GABRB3: variants seen among roughly 807,000 people sequenced by gnomAD.
GABRB3 encodes the protein gamma-aminobutyric acid type A receptor subunit beta3.
GABRB3 carries 14 observed loss-of-function variants against 52.1 expected under a neutral mutation model. That is an observed-to-expected ratio of 0.27 (90% confidence interval 0.18 to 0.42). GABRB3 has a LOEUF of 0.42. Ranked by LOEUF, GABRB3 falls within the 10% of genes least tolerant of loss-of-function variation. GABRB3 has a pLI of 1.00. For synonymous variants in GABRB3, 260 were observed against 232.3 expected, an observed-to-expected ratio of 1.12 and a Z score of -1.08; for missense variants, 307 against 609.1, an observed-to-expected ratio of 0.50 and a Z score of 5.22.
chr15:26,744,879 A>T (rs751453435), intron 3 of GABRB3, among the ~76,000 whole-genome samples: 1 of 152,338 alleles, frequency 6.6e-6, no homozygotes, highest in Non-Finnish European at 1.5e-5. Context: ...TTGTGTATTA[A>T]ACCATTTTTG....
At chr15:26,605,373 AAT>A (rs1891750648) in intron 4 of GABRB3, among the ~76,000 whole-genome samples, 1 of 152,168 alleles carries the variant, frequency 6.6e-6, no homozygotes, top group African/African-American at 2.4e-5. Flanking sequence ...AAAAACTAAA[AAT>A]AGATCTACTA....
intron 3 of GABRB3, among the ~76,000 whole-genome samples, chr15:26,704,692 G>A (rs572524115): frequency 6.6e-6 from 1 of 152,172 alleles, no homozygotes; most frequent in African/African-American, 2.4e-5. Context: ...CCTAGCCATT[G>A]CTTTTAATTG....
At chr15:26,629,125 A>T in intron 3 of GABRB3, 2 of 1,524,982 alleles carry the variant, frequency 1.3e-6, no homozygotes, top group Non-Finnish European at 1.8e-6. Flanking sequence ...TTTACAGGAG[A>T]GGCTGAAGCT....
chr15:26,718,209 T>G (rs1260565943), intron 3 of GABRB3, among the ~76,000 whole-genome samples: 3 of 152,140 alleles, frequency 2.0e-5, no homozygotes, highest in Non-Finnish European at 4.4e-5. Context: ...CTTATTTATT[T>G]ATTTATTTAT....
At chr15:26,552,168 C>T (rs558338191) in intron 8 of GABRB3, among the ~76,000 whole-genome samples, 1 of 152,274 alleles carries the variant, frequency 6.6e-6, no homozygotes, top group East Asian at 1.9e-4. Context: ...CCACCACACC[C>T]AGCTAATTTT....
At chr15:26,633,298 C>T (rs1303361434) in intron 3 of GABRB3, among the ~76,000 whole-genome samples, 1 of 152,134 alleles carries the variant, frequency 6.6e-6, no homozygotes, top group Admixed American at 6.5e-5. Flanking sequence ...CAGTGCTAAT[C>T]AAAATGAAAC....
intron 3 of GABRB3, among the ~76,000 whole-genome samples, chr15:26,651,873 C>T (rs766187555): frequency 1.6e-4 from 24 of 152,324 alleles, no homozygotes; most frequent in Middle Eastern, 3.4e-3. Flanking sequence ...ACAGGGCTAA[C>T]AGATTGGAAT....
At chr15:26,562,247 G>C (rs1049245577) in intron 7 of GABRB3, among the ~76,000 whole-genome samples, 2 of 152,294 alleles carry the variant, frequency 1.3e-5, no homozygotes, top group Middle Eastern at 3.4e-3. Flanking sequence ...CGCTCTCTTG[G>C]AGACTGTATT....
At chr15:26,712,275 A>G (rs906265941) in intron 3 of GABRB3, among the ~76,000 whole-genome samples, 1 of 152,014 alleles carries the variant, frequency 6.6e-6, no homozygotes, top group East Asian at 1.9e-4. Flanking sequence ...CAGCCTTCCA[A>G]AATGCTGGGA....
In GABRB3 at chr15:26,687,424, G is replaced by A. The variant is rs1310677483; in HGVS notation, c.241-65890C>T. 2.0e-5 allele frequency among the ~76,000 whole-genome samples: 3 copies of A among 152,074 alleles called. No homozygotes were observed. The South Asian group carries it at 6.2e-4, about 32-fold the overall frequency. ...AAAAGAGGTGACGCTAACAGGATACGTGTCCATGCAATGCCCTAAATCAGC... is the reference window on the plus strand; with the variant it reads ...AAAAGAGGTGACGCTAACAGGATACATGTCCATGCAATGCCCTAAATCAGC... On this transcript the variant is annotated intron_variant, in intron 3 of 8. Transcript: ENST00000311550.
intron 6 of GABRB3, among the ~76,000 whole-genome samples, chr15:26,568,520 T>C (rs1488436459): frequency 1.4e-5 from 2 of 145,000 alleles, no homozygotes; most frequent in South Asian, 2.2e-4. Context: ...TTTTTTGAGA[T>C]GGAGTCTCGC....
At position 26,765,054 on chromosome 15, in the gene GABRB3, C is replaced by T. The variant is rs558015574; in HGVS notation, c.240+7348G>A. Among the ~76,000 whole-genome samples, 362 of 142,078 alleles carry T rather than the reference C, an allele frequency of 2.5e-3. 1 individual carries two copies. Among genetic ancestry groups the T allele is most frequent in the African/African-American group, 9.0e-3 (343 of 37,980 alleles). 93.2% of individuals were successfully genotyped at this position (142,078 alleles called of 152,430 possible). ...CTGAGGCAGGAGAATGGCGTGAACC[C>T]GGGAGGCAGAGCTTGCAGTGAGCCG... On this transcript the variant is annotated intron_variant, in intron 3 of 8. Transcript: ENST00000311550.
At chr15:26,554,191 C>CATATATATATATATATATATA (rs1567097873) in intron 8 of GABRB3, among the ~76,000 whole-genome samples, 3 of 15,586 alleles carry the variant, frequency 1.9e-4, no homozygotes, top group Admixed American at 1.3e-3. Context: ...TATATATATA[C>CATATATATATATATATATATA]TATATATATA....
rs543089937 is a variant in GABRB3, at chr15:26,732,123, CAGAT to C, written c.240+40275_240+40278del. On this transcript the variant is annotated intron_variant, in intron 3 of 8. Coordinates refer to ENST00000311550, the MANE Select transcript of GABRB3 (RefSeq NM_000814.6). ...GATGATGGATAGATGGATGGACAGACAGATGGACAGATGGATGGATGGATGGAAG... is the reference window on the plus strand; with the variant it reads ...GATGATGGATAGATGGATGGACAGACGGACAGATGGATGGATGGATGGAAG... Among the ~76,000 whole-genome samples, 871 of 150,502 alleles carry C rather than the reference CAGAT, an allele frequency of 5.8e-3. 4 individuals are homozygous for C. The highest frequency in any genetic ancestry group is 0.02 in the African/African-American group (835 of 40,856).
At chr15:26,729,890 C>T (rs1203004528) in intron 3 of GABRB3, among the ~76,000 whole-genome samples, 2 of 152,218 alleles carry the variant, frequency 1.3e-5, no homozygotes, top group Non-Finnish European at 2.9e-5. Flanking sequence ...TCTCTCTCTA[C>T]AGAACATCTG....
chr15:26,704,608 T>C (rs1320337223), intron 3 of GABRB3, among the ~76,000 whole-genome samples: 3 of 152,074 alleles, frequency 2.0e-5, no homozygotes, highest in African/African-American at 7.2e-5. Context: ...TCTCATATTT[T>C]ACTGTAAGCA....
At chr15:26,564,133 T>A (rs1890081071) in intron 7 of GABRB3, among the ~76,000 whole-genome samples, 1 of 152,082 alleles carries the variant, frequency 6.6e-6, no homozygotes, top group Non-Finnish European at 1.5e-5. Flanking sequence ...AAGGAAATGC[T>A]AATTGGAGCA....
intron 3 of GABRB3, among the ~76,000 whole-genome samples, chr15:26,717,755 G>C (rs1382606632): frequency 6.6e-6 from 1 of 152,136 alleles, no homozygotes; most frequent in African/African-American, 2.4e-5. Context: ...CATTGAAACA[G>C]ACACCTCTTT....
intron 6 of GABRB3, among the ~76,000 whole-genome samples, chr15:26,569,919 C>G (rs1401998516): frequency 6.6e-6 from 1 of 152,148 alleles, no homozygotes; most frequent in African/African-American, 2.4e-5. Flanking sequence ...TGTAAGTTAT[C>G]TGATTACTCA....
Sources: allele counts gnomAD v4.1 joint callset (sites outside exome capture counted in the v4.1 genomes callset), GRCh38; gene constraint gnomAD v4.1.1; transcripts MANE v1.5; gene names NCBI Gene and HGNC (gene_info 2026-07-23, HGNC 2026-07-21).